Variants in TCP11L1 observed in about 807,000 individuals in gnomAD.
TCP11L1 encodes t-complex 11 like 1.
In TCP11L1, 28 loss-of-function variants were observed where a neutral mutation model predicts 48.9. The ratio of observed to expected loss-of-function variants is 0.57; its 90% CI spans 0.42 to 0.78. TCP11L1 has a LOEUF of 0.78. Ranked by LOEUF, TCP11L1 falls within the 30% of genes least tolerant of loss-of-function variation. The pLI is 0.00. For missense variants in TCP11L1, 505 were observed against 613.4 expected (o/e 0.82, Z 1.87); for synonymous variants, 204 against 231.9 (o/e 0.88, Z 1.09).
chr11:33,043,520 A>G (rs1853899912), intron 1 of TCP11L1, among the ~76,000 whole-genome samples: 1 of 152,228 alleles, frequency 6.6e-6, no homozygotes, highest in Non-Finnish European at 1.5e-5. Flanking sequence ...ATTCCAACTA[A>G]CTACTACGTG....
At chr11:33,060,692 CAG>C (rs1337730219) in intron 6 of TCP11L1, among the ~76,000 whole-genome samples, 1 of 152,158 alleles carries the variant, frequency 6.6e-6, no homozygotes, top group Non-Finnish European at 1.5e-5. Flanking sequence ...GCTTCCCTGA[CAG>C]AGTTCACTTT....
chr11:33,058,418 C>T (rs867325339), intron 5 of TCP11L1, among the ~76,000 whole-genome samples: 1 of 151,632 alleles, frequency 6.6e-6, no homozygotes, highest in Non-Finnish European at 1.5e-5. Context: ...AGGCTGGTCT[C>T]GAACTCCTGA....
intron 2 of TCP11L1, among the ~76,000 whole-genome samples, chr11:33,047,318 G>A (rs777791552): frequency 1.6e-4 from 25 of 152,252 alleles, no homozygotes; most frequent in Non-Finnish European, 2.5e-4. Context: ...ATTTGAGGTG[G>A]TGATTTGATT....
intron 8 of TCP11L1, among the ~76,000 whole-genome samples, chr11:33,068,418 C>G (rs1854681368): frequency 6.6e-6 from 1 of 152,058 alleles, no homozygotes; most frequent in East Asian, 1.9e-4. Flanking sequence ...CAGAGGCTAG[C>G]AGGAAGTTGT....
intron 2 of TCP11L1, among the ~76,000 whole-genome samples, chr11:33,047,782 CA>C (rs1463524773): frequency 6.6e-6 from 1 of 152,164 alleles, no homozygotes; most frequent in Non-Finnish European, 1.5e-5. Flanking sequence ...ACCAGGAAGA[CA>C]AATTAACAAG....
intron 7 of TCP11L1, among the ~76,000 whole-genome samples, chr11:33,064,785 TG>T (rs1854566026): frequency 2.0e-5 from 3 of 152,166 alleles, no homozygotes; most frequent in African/African-American, 7.2e-5. Context: ...CTGGGATTTT[TG>T]TTGTTGTTGT....
At chr11:33,067,706 A>C (rs992908107) in intron 8 of TCP11L1, among the ~76,000 whole-genome samples, 2 of 152,136 alleles carry the variant, frequency 1.3e-5, no homozygotes, top group Non-Finnish European at 2.9e-5. Flanking sequence ...GGTGAGTGCC[A>C]GGGCTTGCTC....
intron 5 of TCP11L1, 94 bp downstream of exon 5, chr11:33,058,233 C>G (rs1231876020): frequency 3.3e-6 from 4 of 1,205,522 alleles, no homozygotes; most frequent in South Asian, 1.6e-5. Context: ...GAGTCTCACT[C>G]TGTTGCAAAG....
Position 33,059,907 on chromosome 11 carries a change from C to T in TCP11L1, c.775+812C>T, listed in dbSNP as rs564700634. Among the ~76,000 whole-genome samples the T allele has an allele frequency of 4.6e-5, 7 of 152,260 alleles. No individual in the cohort carries two copies. In the South Asian group the frequency reaches 1.5e-3, roughly 32 times the overall value. ...GAAGTTTGGTAATGTTTACTAAGTG[C>T]CAGGCTTGTGCCAAGGGCTGGATGT... On this transcript the variant is annotated intron_variant, in intron 6 of 9. Transcript: ENST00000334274.
Position 33,072,717 on chromosome 11 carries a change from C to G in TCP11L1, c.*41C>G, listed in dbSNP as rs1483179733. 6.2e-7 allele frequency: 1 copy of G among 1,606,466 alleles called. No individual in the cohort carries two copies. Among genetic ancestry groups the G allele is most frequent in the South Asian group, 1.1e-5 (1 of 90,866 alleles). Reference sequence around the variant, plus strand: ...CAGCAGCAGTATTACTCACTAGCCACAGAATACCTGTTCTGTACTCTAATG... The same window carrying G: ...CAGCAGCAGTATTACTCACTAGCCAGAGAATACCTGTTCTGTACTCTAATG... On this transcript the variant is annotated 3_prime_UTR_variant, in exon 10 of 10. Coordinates refer to ENST00000334274, the MANE Select transcript of TCP11L1 (RefSeq NM_018393.4).
chr11:33,055,494 A>G (rs1251494691), intron 3 of TCP11L1, among the ~76,000 whole-genome samples: 1 of 152,234 alleles, frequency 6.6e-6, no homozygotes, highest in Non-Finnish European at 1.5e-5. Flanking sequence ...TATTTTGTTA[A>G]TCAGAATTTA....
chr11:33,065,860 G>C lies in TCP11L1; in HGVS notation c.1003G>C (p.Glu335Gln). 1 of 1,614,016 alleles carries C rather than the reference G, an allele frequency of 6.2e-7. No homozygotes were observed. Among genetic ancestry groups the C allele is most frequent in the Non-Finnish European group, 8.5e-7 (1 of 1,179,940 alleles). The change falls in exon 8 of 10, where the codon GAG (glutamate) becomes CAG (glutamine). Residue 335 changes from glutamate (E) to glutamine (Q), a missense_variant. Transcript: ENST00000334274. ...TTTAATGGACCAGTCTCGCTTCCAC[G>C]AGCTCCAGTTGCAGCTGGAACAACT... The part of the protein sequence containing the change: ...TVLMDQSRFH[E>Q]LQLQLEQLTI...
At chr11:33,058,657 A>G (rs1157352371) in intron 5 of TCP11L1, among the ~76,000 whole-genome samples, 1 of 152,120 alleles carries the variant, frequency 6.6e-6, no homozygotes, top group Non-Finnish European at 1.5e-5. Flanking sequence ...ACATAGATAT[A>G]TTTTTTATAC....
At position 33,069,355 on chromosome 11, in the gene TCP11L1, A is replaced by T. The variant is rs531625911; in HGVS notation, c.1327+496A>T. Among the ~76,000 whole-genome samples the T allele has an allele frequency of 4.4e-4, 67 of 151,880 alleles. 2 individuals carry two copies. In the South Asian group the frequency reaches 0.014, roughly 31 times the overall value. ...TATTAGTATGTAATACTATTAACAT[A>T]TCAAATATAATAACTTAAAATGGTA... On this transcript the variant is annotated intron_variant, in intron 9 of 9. Transcript: ENST00000334274.
At position 33,056,402 on chromosome 11, in the gene TCP11L1, C is replaced by T. The variant is rs549863896; in HGVS notation, c.297-713C>T. On this transcript the variant is annotated intron_variant, in intron 3 of 9. Coordinates refer to ENST00000334274, the MANE Select transcript of TCP11L1 (RefSeq NM_018393.4). The stretch of plus-strand genomic sequence containing the variant: ...CTGGGATTACAGGCATGAGCCACCA[C>T]ACCTGGCCAATACTGGTTTTAATGA... 1.5e-3 allele frequency among the ~76,000 whole-genome samples: 225 copies of T among 152,308 alleles called. 2 individuals carry two copies. Among genetic ancestry groups the T allele is most frequent in the African/African-American group, 5.1e-3 (213 of 41,574 alleles).
intron 7 of TCP11L1, among the ~76,000 whole-genome samples, chr11:33,063,569 A>G (rs1306762094): frequency 6.6e-6 from 1 of 152,202 alleles, no homozygotes; most frequent in Non-Finnish European, 1.5e-5. Context: ...TCCATGCTGA[A>G]CAATATTTTT....
downstream of TCP11L1, chr11:33,073,557 A>G (rs1232233442): frequency 6.6e-6 from 1 of 152,134 alleles, no homozygotes; most frequent in East Asian, 1.9e-4. Context: ...TAAATTCTGG[A>G]ATTAGATTTA....
At position 33,054,418 on chromosome 11, in the gene TCP11L1, A is replaced by G. The variant is rs538260762; in HGVS notation, c.164-175A>G. Among the ~76,000 whole-genome samples the G allele has an allele frequency of 2.6e-5, 4 of 152,326 alleles. No individual in the cohort carries two copies. Among genetic ancestry groups the G allele is most frequent in the African/African-American group, 7.2e-5 (3 of 41,572 alleles). On this transcript the variant is annotated intron_variant, in intron 2 of 9. Transcript: ENST00000334274. The stretch of plus-strand genomic sequence containing the variant: ...AAATGATCTCTGCTTTTAGGATTCA[A>G]GGGTAAAAAATGAATATGAAGTAAC...
chr11:33,062,127 GA>G (rs1854486095), intron 7 of TCP11L1, among the ~76,000 whole-genome samples: 1 of 152,052 alleles, frequency 6.6e-6, no homozygotes, highest in Non-Finnish European at 1.5e-5. Flanking sequence ...AAAATAAAAA[GA>G]ATAGCTTTAT....
Sources: gnomAD v4.1 joint callset for allele counts (sites outside exome capture counted in the v4.1 genomes callset) on GRCh38, gnomAD v4.1.1 for gene constraint, MANE v1.5 for transcripts, NCBI Gene and HGNC (gene_info 2026-07-23, HGNC 2026-07-21) for gene names.